Variants in CACNA1H observed in about 807,000 individuals in gnomAD.
CACNA1H encodes the protein voltage-dependent T-type calcium channel subunit alpha-1H.
CACNA1H carries 149 observed loss-of-function variants against 192.5 expected under a neutral mutation model. That is an observed-to-expected ratio of 0.77 (90% CI 0.68 to 0.89). CACNA1H has a LOEUF of 0.89. Ranked by LOEUF, CACNA1H falls within the 40% of genes least tolerant of loss-of-function variation. CACNA1H has a pLI of 0.00. For synonymous variants in CACNA1H, 2,202 were observed against 1,475.2 expected, an observed-to-expected ratio of 1.49 and a Z score of -11.29; for missense variants, 4,257 against 3,423.5, an observed-to-expected ratio of 1.24 and a Z score of -6.08.
intron 4 of CACNA1H, among the ~76,000 whole-genome samples, 166 bp from the exon 5 acceptor site, chr16:1,195,760 C>T (rs1966889836): frequency 6.6e-6 from 1 of 152,154 alleles, no homozygotes; most frequent in African/African-American, 2.4e-5. Flanking sequence ...CCTGATGTGA[C>T]CAAGCGTTGT....
chr16:1,153,734 C>T lies in CACNA1H; in HGVS notation c.-4C>T. Reference sequence around the variant, plus strand: ...GTCCTCTGCAGGTGCTGCCGGCCGCCACCATGACCGAGGGCGCACGGGCCG... The same window carrying T: ...GTCCTCTGCAGGTGCTGCCGGCCGCTACCATGACCGAGGGCGCACGGGCCG... On this transcript the variant is annotated 5_prime_UTR_variant, in exon 2 of 35. Coordinates refer to ENST00000348261, the MANE Select transcript of CACNA1H (RefSeq NM_021098.3). 1 of 1,207,836 alleles carries T rather than the reference C, an allele frequency of 8.3e-7. No homozygotes were observed. Among genetic ancestry groups the T allele is most frequent in the East Asian group, 3.5e-5 (1 of 28,308 alleles). The allele number at this position is 1,207,836 out of a possible 1,614,324, so 74.8% of individuals were successfully genotyped here.
intron 5 of CACNA1H, among the ~76,000 whole-genome samples, chr16:1,198,270 C>G (rs1967236086): frequency 6.6e-6 from 1 of 152,130 alleles, no homozygotes; most frequent in Admixed American, 6.5e-5. Flanking sequence ...AGTTCCCTGC[C>G]TCGGCCAGTC....
chr16:1,219,067 C>G lies in CACNA1H; in HGVS notation c.5985C>G (p.Leu1995=), dbSNP rs781759412. The change falls in exon 34 of 35, where the codon CTC becomes CTG. Residue 1995 remains leucine (L), a synonymous_variant. Transcript: ENST00000348261. ...VSSPARSGEP[L]HALSPRGTAR... is the part of the protein sequence containing the mutation. ...CCCCAGCCAGGAGCGGCGAGCCCCT[C>G]CACGCCCTGTCCCCTCGGGGCACAG... 1 of 1,549,898 alleles carries G rather than the reference C, an allele frequency of 6.5e-7. No individual in the cohort carries two copies. Among genetic ancestry groups the G allele is most frequent in the South Asian group, 1.2e-5 (1 of 84,034 alleles).
chr16:1,215,111 G>A (rs1437660696), intron 28 of CACNA1H, 30 bp downstream of exon 28: 8 of 1,595,090 alleles, frequency 5.0e-6, no homozygotes, highest in Non-Finnish European at 6.8e-6. Context: ...CTTGGGTTCT[G>A]GGGGCCCCTC....
intron 9 of CACNA1H, among the ~76,000 whole-genome samples, chr16:1,202,895 C>T (rs1024184845): frequency 9.2e-5 from 14 of 151,922 alleles, no homozygotes; most frequent in African/African-American, 2.7e-4. Flanking sequence ...GGGGAGGCAC[C>T]GTCGCAGAGT....
rs376919826 is a variant in CACNA1H at position 1,220,803 on chromosome 16, G to A, written c.6871G>A (p.Glu2291Lys). ...FLDGSHSVTPESRASSSGAIV... is the reference protein window; with the variant it reads ...FLDGSHSVTPKSRASSSGAIV... ...GGACGGTAGCCACAGTGTGACCCCAGAATCCAGAGCTTCCTCTTCAGGGGC... is the reference window on the plus strand; with the variant it reads ...GGACGGTAGCCACAGTGTGACCCCAAAATCCAGAGCTTCCTCTTCAGGGGC... Residue 2291 changes from glutamate (E) to lysine (K), a missense_variant, in exon 35 of 35, where the codon GAA becomes AAA. By Grantham distance (56) the Glu-to-Lys change is moderately conservative. Transcript: ENST00000348261. 8.2e-5 allele frequency: 132 copies of A among 1,612,714 alleles called. No homozygotes were observed. The highest frequency in any genetic ancestry group is 6.1e-5 in the Non-Finnish European group (72 of 1,179,806).
chr16:1,176,637 C>T (rs1381633672), intron 2 of CACNA1H, among the ~76,000 whole-genome samples: 2 of 152,190 alleles, frequency 1.3e-5, no homozygotes, highest in East Asian at 3.9e-4. Flanking sequence ...CTGCACAGGC[C>T]CCGGGACCAG....
At chr16:1,168,768 C>T (rs933473147) in intron 2 of CACNA1H, among the ~76,000 whole-genome samples, 4 of 152,060 alleles carry the variant, frequency 2.6e-5, no homozygotes, top group Non-Finnish European at 5.9e-5. Context: ...GGGATCATGG[C>T]GCCCCCCAGC....
At chr16:1,154,924 C>T (rs369843783) in intron 2 of CACNA1H, among the ~76,000 whole-genome samples, 1 of 152,148 alleles carries the variant, frequency 6.6e-6, no homozygotes, top group Non-Finnish European at 1.5e-5. Flanking sequence ...AGGGCCGGGT[C>T]TCCCCACCGG....
intron 2 of CACNA1H, among the ~76,000 whole-genome samples, chr16:1,173,873 G>A (rs1032410888): frequency 6.6e-6 from 1 of 150,846 alleles, no homozygotes; most frequent in Non-Finnish European, 1.5e-5. Context: ...GGGACCTCAC[G>A]TCACGTGGGG....
chr16:1,221,007 T>C lies in CACNA1H; in HGVS notation c.*13T>C. On this transcript the variant is annotated 3_prime_UTR_variant, in exon 35 of 35. Transcript: ENST00000348261. ...TGACCCCGTGTAGCTCGGGGCTTGG[T>C]GCCGCCCACGGCTTTGGCCCTGGGG... 1 of 1,548,782 alleles carries C rather than the reference T, an allele frequency of 6.5e-7. No homozygotes were observed. The highest frequency in any genetic ancestry group is 8.7e-7 in the Non-Finnish European group (1 of 1,151,168).
At chr16:1,197,225 T>C (rs919278036) in intron 5 of CACNA1H, among the ~76,000 whole-genome samples, 1 of 152,204 alleles carries the variant, frequency 6.6e-6, no homozygotes, top group Non-Finnish European at 1.5e-5. Flanking sequence ...TGAACCTCAG[T>C]TTCTCCTGGA....
In CACNA1H at chr16:1,221,091, G is replaced by T; in HGVS notation, c.*97G>T. On this transcript the variant is annotated 3_prime_UTR_variant, in exon 35 of 35. Transcript: ENST00000348261. ...GAACCCTGCATGGACCCTGACTTGG[G>T]TCCCGTCGTGAGCAGAAAGGCCCGG... 2 of 967,362 alleles carry T rather than the reference G, an allele frequency of 2.1e-6. No homozygotes were observed. Among genetic ancestry groups the T allele is most frequent in the Non-Finnish European group, 3.0e-6 (2 of 665,760 alleles). 59.9% of individuals were successfully genotyped at this position (967,362 alleles called of 1,614,324 possible).
At chr16:1,185,733 T>C (rs1380871745) in intron 2 of CACNA1H, among the ~76,000 whole-genome samples, 2 of 350 alleles carry the variant, frequency 5.7e-3, no homozygotes, top group Non-Finnish European at 0.015. Flanking sequence ...AGGCGGGGTG[T>C]GTACGTGGGC....
chr16:1,160,099 GCA>G (rs1293159635), intron 2 of CACNA1H: 1 of 152,392 alleles, frequency 6.6e-6, no homozygotes, highest in East Asian at 1.9e-4. Flanking sequence ...AGCCACGGTC[GCA>G]CAGTCAAGGT....
intron 2 of CACNA1H, among the ~76,000 whole-genome samples, chr16:1,160,803 A>C (rs74796460): frequency 0.02 from 2,999 of 152,220 alleles, 94 homozygotes; most frequent in African/African-American, 0.067. Context: ...CTGTGGGCAG[A>C]GAGATCCTTG....
At chr16:1,192,499 C>T (rs561070652) in intron 2 of CACNA1H, among the ~76,000 whole-genome samples, 77 of 152,338 alleles carry the variant, frequency 5.1e-4, no homozygotes, top group African/African-American at 1.7e-3. Context: ...TTGGGCCCTC[C>T]GCCTCAGGGT....
intron 6 of CACNA1H, 140 bp from the exon 7 acceptor site, chr16:1,200,116 C>T (rs1039889243): frequency 7.2e-6 from 5 of 695,732 alleles, no homozygotes; most frequent in Admixed American, 6.0e-5. Flanking sequence ...ACCGTGCCTC[C>T]CTAACCATGA....
Position 1,195,555 on chromosome 16 carries a change from G to T in CACNA1H, c.535G>T (p.Val179Phe). ...DTWNRLDFFI[V>F]VAGMMEYSLD... ...GTGGAACAGGCTGGATTTCTTCATC[G>T]TCGTGGCGGGGTAGGCCCCGCCTGG... is the stretch of plus-strand genomic sequence containing the variant. The change falls in exon 4 of 35, where the codon GTC becomes TTC. Residue 179 changes from valine (V) to phenylalanine (F), a missense_variant. Physicochemically the swap from Val to Phe is conservative, Grantham distance 50. Transcript: ENST00000348261. 2.5e-6 allele frequency: 4 copies of T among 1,600,790 alleles called. No homozygotes were observed. Among genetic ancestry groups the T allele is most frequent in the Non-Finnish European group, 3.4e-6 (4 of 1,174,288 alleles).
Sources: gnomAD v4.1 joint callset for allele counts (sites outside exome capture counted in the v4.1 genomes callset) on GRCh38, gnomAD v4.1.1 for gene constraint, MANE v1.5 for transcripts, NCBI Gene and HGNC (gene_info 2026-07-23, HGNC 2026-07-21) for gene names.